MBLAC2: variants seen among roughly 807,000 people sequenced by gnomAD.
MBLAC2 encodes the protein metallo-beta-lactamase domain containing 2.
In MBLAC2, 24 loss-of-function variants were observed where a neutral mutation model predicts 23.3. That is an observed-to-expected ratio of 1.03 (90% CI 0.75 to 1.45). MBLAC2 has a LOEUF of 1.45. Among genes scored for constraint, MBLAC2 ranks in the 40% most tolerant of loss-of-function variants. MBLAC2 has a pLI of 0.00. For missense variants in MBLAC2, 358 were observed against 370.0 expected (o/e 0.97, Z 0.27); for synonymous variants, 162 against 150.9 (o/e 1.07, Z -0.54).
At chr5:90,465,792 C>T (rs1750436993) in intron 1 of MBLAC2, among the ~76,000 whole-genome samples, 1 of 152,098 alleles carries the variant, frequency 6.6e-6, no homozygotes, top group Non-Finnish European at 1.5e-5. Context: ...GTCTTATACT[C>T]CTGGCCTTAA....
rs1463977598 is a variant in MBLAC2 at position 90,460,968 on chromosome 5, T to G, written c.*199A>C. 6.0e-6 allele frequency: 3 copies of G among 502,194 alleles called. No individual in the cohort carries two copies. The highest frequency in any genetic ancestry group is 1.0e-5 in the Non-Finnish European group (3 of 292,928). The allele number at this position is 502,194 out of a possible 1,614,324, so 31.1% of individuals were successfully genotyped here. ...TGACAGCTTTGGCAAAGTATAAGCT[T>G]ATTTAAGTGGCTTCTTTCTTGGAAG... On this transcript the variant is annotated 3_prime_UTR_variant, in exon 2 of 2. Transcript: ENST00000316610.
rs1024969274 is a variant in MBLAC2 at position 90,467,968 on chromosome 5, T to C, written c.454+5871A>G. Among the ~76,000 whole-genome samples, 3 of 152,326 alleles carry C rather than the reference T, an allele frequency of 2.0e-5. No homozygotes were observed. In the East Asian group the frequency reaches 5.8e-4, roughly 29 times the overall value. Reference sequence around the variant, plus strand: ...CTGTATCTTTCTTTCATTTATGAAGTGTAGTTTCACTGGATACAAAATTAT... The same window carrying C: ...CTGTATCTTTCTTTCATTTATGAAGCGTAGTTTCACTGGATACAAAATTAT... On this transcript the variant is annotated intron_variant, in intron 1 of 1. Transcript: ENST00000316610.
Position 90,474,169 on chromosome 5 carries a change from C to T in MBLAC2, c.124G>A (p.Val42Met). ...AGCCCCAGGCCTGTATCGATCACCACGTCCTGCTCGGAGCCGCGCACCAGC... is the reference window on the plus strand; with the variant it reads ...AGCCCCAGGCCTGTATCGATCACCATGTCCTGCTCGGAGCCGCGCACCAGC... ...IWLVRGSEQDVVIDTGLGLRS... is the reference protein window; with the variant it reads ...IWLVRGSEQDMVIDTGLGLRS... Residue 42 changes from valine (V) to methionine (M), a missense_variant, in exon 1 of 2, where the codon GTG becomes ATG. Val to Met is a conservative substitution (Grantham distance 21). Transcript: ENST00000316610. 6.2e-7 allele frequency: 1 copy of T among 1,602,608 alleles called. No homozygotes were observed. The highest frequency in any genetic ancestry group is 1.3e-5 in the African/African-American group (1 of 74,908).
In MBLAC2 at chr5:90,459,858, T is replaced by C. The variant is rs917723373; in HGVS notation, c.*1309A>G. 3 of 152,568 alleles carry C rather than the reference T, an allele frequency of 2.0e-5. No homozygotes were observed. The highest frequency in any genetic ancestry group is 7.2e-5 in the African/African-American group (3 of 41,448). The allele number at this position is 152,568 out of a possible 1,614,324, so 9.5% of individuals were successfully genotyped here. On this transcript the variant is annotated 3_prime_UTR_variant, in exon 2 of 2. Coordinates refer to ENST00000316610, the MANE Select transcript of MBLAC2 (RefSeq NM_203406.2). ...GGGCATCTGTAGGGTAGAAAAGTTT[T>C]GTAATTTTTCAGAAACCAAAATTGC... is the stretch of plus-strand genomic sequence containing the variant.
At chr5:90,473,551 G>A (rs1750609027) in intron 1 of MBLAC2, 2 of 634,098 alleles carry the variant, frequency 3.2e-6, no homozygotes, top group Non-Finnish European at 5.6e-6. Context: ...TAGTGTTACT[G>A]CTACAGCCGA....
chr5:90,472,598 A>C (rs1750575304), intron 1 of MBLAC2: 1 of 152,200 alleles, frequency 6.6e-6, no homozygotes. Context: ...GATTTTTGTA[A>C]AATATTTCAT....
In MBLAC2 at chr5:90,474,418, A is replaced by C. The variant is rs1032593499; in HGVS notation, c.-126T>G. 2 of 850,752 alleles carry C rather than the reference A, an allele frequency of 2.4e-6. No individual in the cohort carries two copies. Among genetic ancestry groups the C allele is most frequent in the Admixed American group, 2.6e-5 (1 of 38,180 alleles). The allele number at this position is 850,752 out of a possible 1,614,324, so 52.7% of individuals were successfully genotyped here. Reference sequence around the variant, plus strand: ...GCAGCCAGGGAGGAGGCGTAGAGCGAGGCGGGGGCGTGGGATGCGGGGGTC... The same window carrying C: ...GCAGCCAGGGAGGAGGCGTAGAGCGCGGCGGGGGCGTGGGATGCGGGGGTC... On this transcript the variant is annotated 5_prime_UTR_variant, in exon 1 of 2. Transcript: ENST00000316610.
intron 1 of MBLAC2, among the ~76,000 whole-genome samples, chr5:90,470,752 G>A (rs1413499928): frequency 2.9e-4 from 16 of 55,280 alleles, no homozygotes; most frequent in Non-Finnish European, 4.5e-4. Flanking sequence ...AAACTAGCGC[G>A]CGCGCACACA....
Position 90,468,724 on chromosome 5 carries a change from G to C in MBLAC2, c.454+5115C>G, listed in dbSNP as rs1750493436. 2.0e-5 allele frequency among the ~76,000 whole-genome samples: 3 copies of C among 152,080 alleles called. No individual in the cohort carries two copies. The South Asian group carries it at 6.2e-4, about 32-fold the overall frequency. On this transcript the variant is annotated intron_variant, in intron 1 of 1. Coordinates refer to ENST00000316610, the MANE Select transcript of MBLAC2 (RefSeq NM_203406.2). ...TTTAAGAAAATTGAAATTGTATCAA[G>C]TGTTCTCTCAGACCACAGTGGAATA...
At chr5:90,469,730 C>G (rs1475163996) in intron 1 of MBLAC2, among the ~76,000 whole-genome samples, 1 of 152,096 alleles carries the variant, frequency 6.6e-6, no homozygotes, top group Non-Finnish European at 1.5e-5. Flanking sequence ...CAGAAAATAA[C>G]AGATGCTGAC....
At chr5:90,470,756 G>GCACACACACACA (rs35909248) in intron 1 of MBLAC2, among the ~76,000 whole-genome samples, 1,488 of 140,626 alleles carry the variant, frequency 0.011, 25 homozygotes, top group African/African-American at 0.036. Flanking sequence ...TAGCGCGCGC[G>GCACACACACACA]CACACACACA....
At chr5:90,468,242 T>C (rs1750482898) in intron 1 of MBLAC2, among the ~76,000 whole-genome samples, 1 of 152,222 alleles carries the variant, frequency 6.6e-6, no homozygotes, top group Admixed American at 6.5e-5. Flanking sequence ...TCTAGATCTC[T>C]AGCAAGGCTG....
chr5:90,471,782 A>C (rs968356420), intron 1 of MBLAC2: 1 of 152,224 alleles, frequency 6.6e-6, no homozygotes, highest in Non-Finnish European at 1.5e-5. Flanking sequence ...TTAGCAGGCC[A>C]CATCATTCAG....
At chr5:90,470,885 A>G (rs1416169259) in intron 1 of MBLAC2, among the ~76,000 whole-genome samples, 1 of 152,108 alleles carries the variant, frequency 6.6e-6, no homozygotes, top group Non-Finnish European at 1.5e-5. Flanking sequence ...CCCAGAGAAT[A>G]AACTAATTGG....
Position 90,461,232 on chromosome 5 carries a change from T to G in MBLAC2, c.775A>C (p.Thr259Pro). The G allele has an allele frequency of 1.2e-6, 2 of 1,613,938 alleles. No individual in the cohort carries two copies. Among genetic ancestry groups the G allele is most frequent in the Non-Finnish European group, 1.7e-6 (2 of 1,179,936 alleles). ...SKAGICHKVSTFAMRSLASLA... is the reference protein window; with the variant it reads ...SKAGICHKVSPFAMRSLASLA... ...CTTGCAAGAGATCGCATGGCAAAAG[T>G]AGAAACTTTGTGACATATCCCAGCT... Residue 259 changes from threonine to proline, a missense_variant, in exon 2 of 2, where the codon ACT becomes CCT. Transcript: ENST00000316610.
intron 1 of MBLAC2, among the ~76,000 whole-genome samples, chr5:90,464,571 G>A (rs1750419486): frequency 6.6e-6 from 1 of 151,734 alleles, no homozygotes; most frequent in Non-Finnish European, 1.5e-5. Context: ...AACAACAAAG[G>A]GAGACTCTTT....
rs191333887 is a variant in MBLAC2, at chr5:90,468,748, T to A, written c.454+5091A>T. Among the ~76,000 whole-genome samples, 399 of 152,202 alleles carry A rather than the reference T, an allele frequency of 2.6e-3. 1 individual carries two copies. The highest frequency in any genetic ancestry group is 9.3e-3 in the African/African-American group (386 of 41,532). On this transcript the variant is annotated intron_variant, in intron 1 of 1. Coordinates refer to ENST00000316610, the MANE Select transcript of MBLAC2 (RefSeq NM_203406.2). ...AGTGTTCTCTCAGACCACAGTGGAA[T>A]AAAATTGGAAATCAACTCCAAAAGA...
Position 90,461,347 on chromosome 5 carries a change from G to C in MBLAC2, c.660C>G (p.Asp220Glu), listed in dbSNP as rs148581020. 91 of 1,614,120 alleles carry C rather than the reference G, an allele frequency of 5.6e-5. No individual in the cohort carries two copies. In the Admixed American group the frequency reaches 6.5e-4, roughly 12 times the overall value. The change falls in exon 2 of 2, where the codon GAC becomes GAG. Residue 220 changes from aspartate (D) to glutamate (E), a missense_variant. Transcript: ENST00000316610. ...GTCERLIELV[D>E]RGLVEKVLPG... ...GAAGCACCTTCTCTACCAGACCTCTGTCCACTAATTCTATTAGACGTTCAC... is the reference window on the plus strand; with the variant it reads ...GAAGCACCTTCTCTACCAGACCTCTCTCCACTAATTCTATTAGACGTTCAC...
chr5:90,473,830 G>T lies in MBLAC2; in HGVS notation c.454+9C>A, dbSNP rs3763072. ...TTAACGAGAGCGCGCGCCCGCGGGG[G>T]CCCATTACCATCCTGCAGGATGAGG... On this transcript the variant is annotated intron_variant, in intron 1 of 1. Coordinates refer to ENST00000316610, the MANE Select transcript of MBLAC2 (RefSeq NM_203406.2). 6.4e-7 allele frequency: 1 copy of T among 1,566,632 alleles called. No individual in the cohort carries two copies. Among genetic ancestry groups the T allele is most frequent in the Non-Finnish European group, 8.7e-7 (1 of 1,155,746 alleles).
Sources: allele counts gnomAD v4.1 joint callset (sites outside exome capture counted in the v4.1 genomes callset), GRCh38; gene constraint gnomAD v4.1.1; transcripts MANE v1.5; gene names NCBI Gene and HGNC (gene_info 2026-07-23, HGNC 2026-07-21).